IDE: variants seen among roughly 807,000 people sequenced by gnomAD.
IDE encodes insulin degrading enzyme.
IDE carries 58 observed loss-of-function variants against 133.2 expected under a neutral mutation model. That is an observed-to-expected ratio of 0.44 (90% confidence interval 0.35 to 0.54). IDE has a LOEUF of 0.54. IDE is among the 20% of genes least tolerant of loss of function. The probability of loss-of-function intolerance (pLI) is 0.00; values close to 1 mark genes in which losing one functional copy is unlikely to be tolerated. For synonymous variants in IDE, 396 were observed against 421.3 expected, an observed-to-expected ratio of 0.94 and a Z score of 0.73; for missense variants, 981 against 1,234.0, an observed-to-expected ratio of 0.79 and a Z score of 3.07.
intron 1 of IDE, 22 bp downstream of exon 1, chr10:92,573,900 C>G (rs749415993): frequency 1.1e-5 from 16 of 1,436,332 alleles, no homozygotes; most frequent in Non-Finnish European, 1.5e-5. Context: ...GCCCGAGGGC[C>G]CGGGCGCTCC....
chr10:92,564,513 A>G (rs1450466165), intron 1 of IDE, among the ~76,000 whole-genome samples: 1 of 151,558 alleles, frequency 6.6e-6, no homozygotes, highest in Non-Finnish European at 1.5e-5. Flanking sequence ...CTCTCTACTA[A>G]AAAAACACAA....
intron 4 of IDE, among the ~76,000 whole-genome samples, chr10:92,527,739 G>A (rs554895930): frequency 1.3e-5 from 2 of 152,220 alleles, no homozygotes; most frequent in South Asian, 2.1e-4. Context: ...GAACATGGCC[G>A]GGCACGGTGG....
intron 12 of IDE, among the ~76,000 whole-genome samples, chr10:92,489,526 CA>C (rs532738300): frequency 1.6e-4 from 23 of 145,534 alleles, no homozygotes; most frequent in East Asian, 4.0e-4. Context: ...GATTCCATCT[CA>C]AAAAAAAAAA....
At chr10:92,555,439 G>A (rs1842960905) in intron 1 of IDE, among the ~76,000 whole-genome samples, 1 of 150,848 alleles carries the variant, frequency 6.6e-6, no homozygotes. Flanking sequence ...GGAGGTTGCG[G>A]TGAGCCGTGA....
At chr10:92,484,422 AC>A (rs1310098079) in intron 13 of IDE, among the ~76,000 whole-genome samples, 1 of 151,614 alleles carries the variant, frequency 6.6e-6, no homozygotes, top group East Asian at 1.9e-4. Flanking sequence ...ATCTCAAAAA[AC>A]AAAACAAAAC....
At chr10:92,568,688 C>T (rs887873341) in intron 1 of IDE, among the ~76,000 whole-genome samples, 20 of 151,854 alleles carry the variant, frequency 1.3e-4, no homozygotes, top group African/African-American at 4.6e-4. Flanking sequence ...TGGTGGCACG[C>T]GCCTGTAGTC....
Position 92,456,621 on chromosome 10 carries a change from T to C in IDE, c.2824-190A>G, listed in dbSNP as rs1260653333. Among the ~76,000 whole-genome samples the C allele has an allele frequency of 5.3e-5, 8 of 152,050 alleles. No individual in the cohort carries two copies. In the East Asian group the frequency reaches 1.5e-3, roughly 29 times the overall value. On this transcript the variant is annotated intron_variant, in intron 22 of 24. Transcript: ENST00000265986. ...TGGGAGGCCGAGGCAGGTGGATCAC[T>C]TGAGGTCAGGAGTTCGAGACCAGCC...
At chr10:92,475,285 T>G (rs1846194626) in intron 16 of IDE, among the ~76,000 whole-genome samples, 1 of 152,206 alleles carries the variant, frequency 6.6e-6, no homozygotes, top group South Asian at 2.1e-4. Flanking sequence ...GGTTCTACGC[T>G]ATAAAGCCAT....
At chr10:92,488,401 G>T (rs574240688) in intron 12 of IDE, among the ~76,000 whole-genome samples, 1 of 152,254 alleles carries the variant, frequency 6.6e-6, no homozygotes, top group South Asian at 2.1e-4. Context: ...TCGGCTTTCA[G>T]TACTTCTTAA....
chr10:92,486,844 T>C (rs1589406547), intron 13 of IDE, among the ~76,000 whole-genome samples: 2 of 152,290 alleles, frequency 1.3e-5, no homozygotes, highest in African/African-American at 2.4e-5. Flanking sequence ...TCCTTTCTTA[T>C]CTTTAATGTC....
intron 1 of IDE, among the ~76,000 whole-genome samples, chr10:92,560,939 T>C (rs895043735): frequency 4.6e-5 from 7 of 151,834 alleles, no homozygotes; most frequent in Admixed American, 2.0e-4. Flanking sequence ...TTCTAGACAA[T>C]AAGGCGAACT....
At chr10:92,509,362 G>A (rs1450392185) in intron 6 of IDE, among the ~76,000 whole-genome samples, 1 of 151,894 alleles carries the variant, frequency 6.6e-6, no homozygotes, top group African/African-American at 2.4e-5. Flanking sequence ...GGAGGCTGAG[G>A]GAGACAGATC....
intron 1 of IDE, among the ~76,000 whole-genome samples, chr10:92,567,597 A>G (rs982213249): frequency 6.6e-6 from 1 of 152,216 alleles, no homozygotes; most frequent in East Asian, 1.9e-4. Context: ...TCTATATCCA[A>G]TAAGACAAAA....
intron 1 of IDE, among the ~76,000 whole-genome samples, chr10:92,550,650 CAAAA>C (rs71028826): frequency 7.0e-5 from 4 of 57,420 alleles, no homozygotes; most frequent in African/African-American, 3.3e-4. Context: ...GACTCCGTCT[CAAAA>C]AAAAAAAAAA....
chr10:92,458,507 T>TTTG (rs1845163891), intron 22 of IDE, among the ~76,000 whole-genome samples: 1 of 111,456 alleles, frequency 9.0e-6, no homozygotes, highest in East Asian at 4.6e-4. Flanking sequence ...TTTTTTTTTT[T>TTTG]TTTTTTTTTT....
At chr10:92,489,144 A>T (rs1469036625) in intron 12 of IDE, among the ~76,000 whole-genome samples, 1 of 152,092 alleles carries the variant, frequency 6.6e-6, no homozygotes, top group African/African-American at 2.4e-5. Flanking sequence ...GGCACTGGGG[A>T]CGTTGGCCAT....
chr10:92,478,809 A>G, intron 15 of IDE: 1 of 1,191,750 alleles, frequency 8.4e-7, no homozygotes, highest in Non-Finnish European at 1.1e-6. Flanking sequence ...AGAAAAACAA[A>G]AGAAATGCTT....
chr10:92,540,321 T>G (rs1842235298), intron 1 of IDE, among the ~76,000 whole-genome samples: 1 of 152,174 alleles, frequency 6.6e-6, no homozygotes, highest in Non-Finnish European at 1.5e-5. Flanking sequence ...GCAAATGCCT[T>G]CAGTGTGTAC....
intron 15 of IDE, among the ~76,000 whole-genome samples, chr10:92,476,959 C>T (rs1235618006): frequency 6.6e-6 from 1 of 152,192 alleles, no homozygotes; most frequent in Non-Finnish European, 1.5e-5. Context: ...CATAGTTAGA[C>T]TCCTGACCTC....
Sources: allele counts gnomAD v4.1 joint callset (sites outside exome capture counted in the v4.1 genomes callset), GRCh38; gene constraint gnomAD v4.1.1; transcripts MANE v1.5; gene names NCBI Gene and HGNC (gene_info 2026-07-23, HGNC 2026-07-21).